ABCA3: variants seen among roughly 807,000 people sequenced by gnomAD.
ABCA3 encodes ATP binding cassette subfamily A member 3, also known as phospholipid-transporting ATPase ABCA3.
A neutral mutation model predicts 172.8 loss-of-function variants in ABCA3; 88 were observed. That is an observed-to-expected ratio of 0.51 (90% CI 0.43 to 0.61). The LOEUF (loss-of-function observed/expected upper bound fraction) is 0.61, where lower values mean the gene tolerates loss of function less well. Ranked by LOEUF, ABCA3 falls within the 20% of genes least tolerant of loss-of-function variation. The pLI, the probability that ABCA3 is intolerant of heterozygous loss-of-function variation, is 0.00. For synonymous variants in ABCA3, 1,066 were observed against 983.8 expected (o/e 1.08, Z -1.56); for missense variants, 2,164 against 2,301.0 (o/e 0.94, Z 1.22).
intron 1 of ABCA3, among the ~76,000 whole-genome samples, chr16:2,339,887 G>A (rs1181372206): frequency 2.6e-5 from 4 of 152,262 alleles, no homozygotes; most frequent in Admixed American, 2.0e-4. Context: ...AAGACACACG[G>A]ACGCGATGCA....
Position 2,326,224 on chromosome 16 carries a change from A to C in ABCA3, c.105T>G (p.Phe35Leu). Residue 35 changes from phenylalanine (F) to leucine (L), a missense_variant, in exon 5 of 33, where the codon TTT becomes TTG. Transcript: ENST00000301732. The stretch of plus-strand genomic sequence containing the variant: ...AGCGGAGCCAGATGAGGATCCCAGA[A>C]AACAGCAATGGCAGGAAGAGTTCCA... Reference protein sequence around the residue: ...TVLELFLPLLFSGILIWLRLK... With the variant: ...TVLELFLPLLLSGILIWLRLK... The C allele has an allele frequency of 1.9e-6, 3 of 1,614,004 alleles. No individual in the cohort carries two copies. The highest frequency in any genetic ancestry group is 2.5e-6 in the Non-Finnish European group (3 of 1,180,038).
rs1365451466 is a variant in ABCA3, at chr16:2,325,999, G to A, written c.319+11C>T. 2.5e-6 allele frequency: 4 copies of A among 1,613,322 alleles called. No homozygotes were observed. In the African/African-American group the frequency reaches 5.3e-5, roughly 22 times the overall value. On this transcript the variant is annotated intron_variant, in intron 5 of 32. Transcript: ENST00000301732. Reference sequence around the variant, plus strand: ...ACTAGGCCTGGCACCGAGAGCCCCGGCATGTCTCACCTCGCATGTTGATCA... The same window carrying A: ...ACTAGGCCTGGCACCGAGAGCCCCGACATGTCTCACCTCGCATGTTGATCA...
intron 7 of ABCA3, among the ~76,000 whole-genome samples, chr16:2,321,648 A>C (rs1567352949): frequency 6.6e-6 from 1 of 152,224 alleles, no homozygotes; most frequent in East Asian, 1.9e-4. Context: ...TCCCTAGCTC[A>C]GTTCCAAGAC....
In ABCA3 at chr16:2,276,738, G is replaced by A. The variant is rs766677326; in HGVS notation, c.5051C>T (p.Ser1684Leu). ...GVDDYSVSQI[S>L]LEQVFLSFAH... Reference sequence around the variant, plus strand: ...GAAGCTCAGGAAGACCTGTTCCAGCGAGATCTGGCTCACGGAGTAGTCGTC... The same window carrying A: ...GAAGCTCAGGAAGACCTGTTCCAGCAAGATCTGGCTCACGGAGTAGTCGTC... Residue 1684 changes from serine (S) to leucine (L), a missense_variant, in exon 33 of 33, where the codon TCG (serine) becomes TTG (leucine). Physicochemically the swap from Ser to Leu is moderately radical, Grantham distance 145 (BLOSUM62 -2). Coordinates refer to ENST00000301732, the MANE Select transcript of ABCA3 (RefSeq NM_001089.3). 8 of 1,613,910 alleles carry A rather than the reference G, an allele frequency of 5.0e-6. No homozygotes were observed. In the East Asian group the frequency reaches 6.7e-5, roughly 13 times the overall value.
At chr16:2,334,820 AAT>A (rs1376981719) in intron 1 of ABCA3, among the ~76,000 whole-genome samples, 1 of 150,742 alleles carries the variant, frequency 6.6e-6, no homozygotes, top group African/African-American at 2.4e-5. Flanking sequence ...GCCAGACTTA[AAT>A]ATTAGTTCTT....
In ABCA3 at chr16:2,287,288, CTTT is replaced by C. The variant is rs56188451; in HGVS notation, c.3005-324_3005-322del. Among the ~76,000 whole-genome samples, 2 of 147,496 alleles carry C rather than the reference CTTT, an allele frequency of 1.4e-5. No individual in the cohort carries two copies. Among genetic ancestry groups the C allele is most frequent in the East Asian group, 3.9e-4 (2 of 5,090 alleles). ...CCAACTATGACTACCAAGACTCTTT[CTTT>C]TTTTTTTTGAGACAGTCTTGCTCTG... On this transcript the variant is annotated intron_variant, in intron 21 of 32. Transcript: ENST00000301732. This position sits in a 1 kb window ranked among gnomAD's most constrained non-coding sequence, Gnocchi z 4.1.
At position 2,279,314 on chromosome 16, in the gene ABCA3, T is replaced by C. The variant is rs1167108272; in HGVS notation, c.4360-184A>G. 6.6e-6 allele frequency among the ~76,000 whole-genome samples: 1 copy of C among 152,184 alleles called. No individual in the cohort carries two copies. Among genetic ancestry groups the C allele is most frequent in the Non-Finnish European group, 1.5e-5 (1 of 68,026 alleles). On this transcript the variant is annotated intron_variant, in intron 28 of 32. Coordinates refer to ENST00000301732, the MANE Select transcript of ABCA3 (RefSeq NM_001089.3). This position sits in a 1 kb window ranked among gnomAD's most constrained non-coding sequence, Gnocchi z 4.4. ...GGTGGCTGCCCACAGTGGAAGCTCT[T>C]GGAACAGGGACACAGGAAGGATGTG... is the stretch of plus-strand genomic sequence containing the variant.
At position 2,297,322 on chromosome 16, in the gene ABCA3, C is replaced by T. The variant is rs747469884; in HGVS notation, c.2263+7G>A. On this transcript the variant is annotated splice_region_variant and intron_variant, in intron 17 of 32. Transcript: ENST00000301732. This position sits in a 1 kb window ranked among gnomAD's most constrained non-coding sequence, Gnocchi z 5.6. Reference sequence around the variant, plus strand: ...CGACCCTGTCGCGGGCTGGCCCCACCGCTCACCGTATTTCTGCTTGAGGAA... The same window carrying T: ...CGACCCTGTCGCGGGCTGGCCCCACTGCTCACCGTATTTCTGCTTGAGGAA... 37 of 1,609,578 alleles carry T rather than the reference C, an allele frequency of 2.3e-5. No individual in the cohort carries two copies. Among genetic ancestry groups the T allele is most frequent in the South Asian group, 9.9e-5 (9 of 90,988 alleles).
In ABCA3 at chr16:2,308,568, G is replaced by A; in HGVS notation, c.1167C>T (p.Tyr389=). Reference sequence around the variant, plus strand: ...AGTTGTACCGAGGGGCCACGAAGAAGTAGGGGATGTAGGTGAAGAAGTAGA... The same window carrying A: ...AGTTGTACCGAGGGGCCACGAAGAAATAGGGGATGTAGGTGAAGAAGTAGA... ...GFLYFFTYIP[Y]FFVAPRYNWM... The change falls in exon 11 of 33, where the codon TAC becomes TAT. Residue 389 remains tyrosine (Y), a synonymous_variant. Coordinates refer to ENST00000301732, the MANE Select transcript of ABCA3 (RefSeq NM_001089.3). The A allele has an allele frequency of 6.2e-7, 1 of 1,614,246 alleles. No individual in the cohort carries two copies. The highest frequency in any genetic ancestry group is 8.5e-7 in the Non-Finnish European group (1 of 1,180,042).
At chr16:2,293,332 A>G (rs1437163398) in intron 18 of ABCA3, among the ~76,000 whole-genome samples, 6 of 148,202 alleles carry the variant, frequency 4.0e-5, no homozygotes, top group Non-Finnish European at 7.4e-5. Context: ...ATTACAGGCA[A>G]TGAGCTACCA....
Position 2,304,191 on chromosome 16 carries a change from C to T in ABCA3, c.1286-41G>A, listed in dbSNP as rs370459213. 35 of 1,613,072 alleles carry T rather than the reference C, an allele frequency of 2.2e-5. No homozygotes were observed. The South Asian group carries it at 3.8e-4, about 18-fold the overall frequency. On this transcript the variant is annotated intron_variant, in intron 11 of 32. Transcript: ENST00000301732. ...GGAAAGTGGCCCGAAAGCCAGCAGGCTGGGGGGCCCAGGGACCCGAAGCCC... is the reference window on the plus strand; with the variant it reads ...GGAAAGTGGCCCGAAAGCCAGCAGGTTGGGGGGCCCAGGGACCCGAAGCCC...
intron 5 of ABCA3, 65 bp from the exon 6 acceptor site, chr16:2,324,596 G>T: frequency 1.9e-6 from 3 of 1,598,506 alleles, no homozygotes; most frequent in Non-Finnish European, 2.5e-6. Flanking sequence ...AAATCTGCGT[G>T]GTTCAGGTCA....
intron 10 of ABCA3, among the ~76,000 whole-genome samples, chr16:2,314,919 C>A (rs2093712517): frequency 7.4e-6 from 1 of 134,584 alleles, no homozygotes; most frequent in South Asian, 2.4e-4. Context: ...TGCTCTGTTG[C>A]CAGGCTGGAG....
chr16:2,290,410 C>G (rs1187893092), intron 19 of ABCA3, among the ~76,000 whole-genome samples: 1 of 152,178 alleles, frequency 6.6e-6, no homozygotes, highest in African/African-American at 2.4e-5. Context: ...ACCAGGAGCT[C>G]AGAGAGGCCA....
chr16:2,278,993 C>T lies in ABCA3; in HGVS notation c.4497G>A (p.Leu1499=), dbSNP rs760221467. ...RHIGACVENT[L]RGLLLEPHAN... ...CATGTGGCTCCAGCAGCAGGCCCCG[C>T]AGAGTGTTCTCCACGCAGGCCCCGA... The change falls in exon 29 of 33, where the codon CTG becomes CTA. Residue 1499 remains leucine (L), a synonymous_variant. Transcript: ENST00000301732. The surrounding 1 kb of genome is among the most constrained non-coding windows in gnomAD (Gnocchi z 4.4). 1.2e-6 allele frequency: 2 copies of T among 1,613,586 alleles called. No individual in the cohort carries two copies. Among genetic ancestry groups the T allele is most frequent in the Non-Finnish European group, 8.5e-7 (1 of 1,180,032 alleles).
rs1567344489 is a variant in ABCA3, at chr16:2,301,027, G to GT, written c.1468-880_1468-879insA. On this transcript the variant is annotated intron_variant, in intron 12 of 32. Coordinates refer to ENST00000301732, the MANE Select transcript of ABCA3 (RefSeq NM_001089.3). The stretch of plus-strand genomic sequence containing the variant: ...GGGCGGATCATGAGGTCAGGAGATC[G>GT]AGACCATCCTGGCTAACACGGTGAA... Among the ~76,000 whole-genome samples the GT allele has an allele frequency of 9.8e-4, 146 of 149,562 alleles. 7 individuals are homozygous for GT. Among genetic ancestry groups the GT allele is most frequent in the African/African-American group, 3.4e-3 (134 of 39,548 alleles).
chr16:2,277,456 C>A lies in ABCA3; in HGVS notation c.4983+141G>T. 1 of 859,888 alleles carries A rather than the reference C, an allele frequency of 1.2e-6. No homozygotes were observed. The highest frequency in any genetic ancestry group is 2.7e-5 in the East Asian group (1 of 37,550). 53.3% of individuals were successfully genotyped at this position (859,888 alleles called of 1,614,324 possible). ...TGGATATAAAACCCCCAAACCAGCA[C>A]GTATCAGGCTGAGTGTTAGGGGAGA... On this transcript the variant is annotated intron_variant, in intron 32 of 32. Coordinates refer to ENST00000301732, the MANE Select transcript of ABCA3 (RefSeq NM_001089.3). This position sits in a 1 kb window ranked among gnomAD's most constrained non-coding sequence, Gnocchi z 5.3.
At chr16:2,290,159 G>A (rs144336983) in intron 19 of ABCA3, among the ~76,000 whole-genome samples, 1 of 152,256 alleles carries the variant, frequency 6.6e-6, no homozygotes, top group East Asian at 1.9e-4. Flanking sequence ...GCTGCCGTGA[G>A]GCCTAAGTAC....
intron 14 of ABCA3, 137 bp from the exon 15 acceptor site, chr16:2,298,677 C>G: frequency 9.4e-7 from 1 of 1,066,820 alleles, no homozygotes; most frequent in Non-Finnish European, 1.4e-6. Flanking sequence ...CGGAACCCCA[C>G]TCCCACTGGG....
Sources: allele counts gnomAD v4.1 joint callset (sites outside exome capture counted in the v4.1 genomes callset), GRCh38; gene constraint gnomAD v4.1.1; non-coding constraint Gnocchi (gnomAD v3.1); transcripts MANE v1.5; gene names NCBI Gene and HGNC (gene_info 2026-07-23, HGNC 2026-07-21).